PLA2G4A: variants seen among roughly 807,000 people sequenced by gnomAD.
The protein encoded by PLA2G4A is phospholipase A2 group IVA.
PLA2G4A carries 40 observed loss-of-function variants against 81.9 expected under a neutral mutation model. The ratio of observed to expected loss-of-function variants is 0.49; its 90% CI spans 0.38 to 0.64. PLA2G4A has a LOEUF of 0.64. PLA2G4A is among the 30% of genes least tolerant of loss of function. The pLI is 0.00. For synonymous variants in PLA2G4A, 302 were observed against 296.9 expected (o/e 1.02, Z -0.18); for missense variants, 715 against 905.1 (o/e 0.79, Z 2.69).
intron 5 of PLA2G4A, among the ~76,000 whole-genome samples, 180 bp from the exon 6 acceptor site, chr1:186,906,785 T>A (rs1369285922): frequency 6.6e-6 from 1 of 152,208 alleles, no homozygotes; most frequent in Non-Finnish European, 1.5e-5. Context: ...ACCAAAAAGT[T>A]GGTTTACTGA....
At chr1:186,891,969 C>G (rs1253640986) in intron 3 of PLA2G4A, among the ~76,000 whole-genome samples, 1 of 152,058 alleles carries the variant, frequency 6.6e-6, no homozygotes, top group Non-Finnish European at 1.5e-5. Context: ...TTGTTATTGC[C>G]TGGATATAAG....
intron 17 of PLA2G4A, among the ~76,000 whole-genome samples, chr1:186,984,645 T>A (rs1342781044): frequency 6.6e-6 from 1 of 152,214 alleles, no homozygotes; most frequent in East Asian, 1.9e-4. Flanking sequence ...AAGTTCTATC[T>A]TTTAAAAATA....
At chr1:186,903,832 T>C (rs935142400) in intron 5 of PLA2G4A, among the ~76,000 whole-genome samples, 3 of 152,306 alleles carry the variant, frequency 2.0e-5, no homozygotes, top group Admixed American at 2.0e-4. Context: ...ACAATAAATG[T>C]AATGCACTTG....
intron 2 of PLA2G4A, among the ~76,000 whole-genome samples, chr1:186,857,055 T>TTGCTGGATGATCTGGGAACTG (rs1367654873): frequency 2.0e-5 from 1 of 49,616 alleles, no homozygotes; most frequent in Non-Finnish European, 3.2e-5. Flanking sequence ...CACATGTGTC[T>TTGCTGGATGATCTGGGAACTG]GCCATGCAGC....
chr1:186,975,672 G>A (rs1657506439), intron 15 of PLA2G4A, among the ~76,000 whole-genome samples: 1 of 152,216 alleles, frequency 6.6e-6, no homozygotes, highest in African/African-American at 2.4e-5. Flanking sequence ...GTCAGGGATA[G>A]TGAATAATCT....
At chr1:186,935,633 T>C (rs1274319897) in intron 8 of PLA2G4A, among the ~76,000 whole-genome samples, 1 of 151,974 alleles carries the variant, frequency 6.6e-6, no homozygotes, top group African/African-American at 2.4e-5. Flanking sequence ...AGATGCTCCC[T>C]TACCAGAAGA....
intron 1 of PLA2G4A, among the ~76,000 whole-genome samples, chr1:186,851,599 ATGT>A (rs1222970118): frequency 6.6e-6 from 1 of 152,020 alleles, no homozygotes; most frequent in African/African-American, 2.4e-5. Flanking sequence ...CACTTTAAAA[ATGT>A]TGTAATAGAA....
intron 2 of PLA2G4A, among the ~76,000 whole-genome samples, chr1:186,863,971 G>A (rs570730143): frequency 2.0e-5 from 3 of 151,790 alleles, no homozygotes; most frequent in South Asian, 2.1e-4. Flanking sequence ...CATATTGGCC[G>A]GGCTGGTCTT....
At chr1:186,961,361 GATAA>G (rs1389032012) in intron 14 of PLA2G4A, among the ~76,000 whole-genome samples, 6 of 152,106 alleles carry the variant, frequency 3.9e-5, no homozygotes, top group Non-Finnish European at 5.9e-5. Flanking sequence ...ACAAAGAAGT[GATAA>G]ATATTTGATG....
intron 2 of PLA2G4A, among the ~76,000 whole-genome samples, chr1:186,863,542 A>G (rs1345284758): frequency 1.3e-5 from 2 of 152,174 alleles, no homozygotes; most frequent in African/African-American, 2.4e-5. Flanking sequence ...GCATGTTACT[A>G]TTAACCATAG....
At chr1:186,836,601 C>G (rs1005155499) in intron 1 of PLA2G4A, among the ~76,000 whole-genome samples, 1 of 152,116 alleles carries the variant, frequency 6.6e-6, no homozygotes, top group African/African-American at 2.4e-5. Flanking sequence ...ATCTACTCTT[C>G]TTTTTCACTT....
At position 186,911,374 on chromosome 1, in the gene PLA2G4A, G is replaced by A. The variant is rs949881459; in HGVS notation, c.543G>A (p.Leu181=). 1.2e-5 allele frequency: 20 copies of A among 1,609,912 alleles called. No homozygotes were observed. Among genetic ancestry groups the A allele is most frequent in the Non-Finnish European group, 1.5e-5 (18 of 1,176,258 alleles). ...TGGGTCCAAAGAATAGTGAAGGATT[G>A]CATTCTGCACGTGATGTGAGTTGGA... ...KLLGPKNSEG[L]HSARDVPVVA... is the part of the protein sequence containing the mutation. The change falls in exon 7 of 18, where the codon TTG becomes TTA. Residue 181 remains leucine, a synonymous_variant. Coordinates refer to ENST00000367466, the MANE Select transcript of PLA2G4A (RefSeq NM_024420.3).
chr1:186,845,573 T>C (rs961893373), intron 1 of PLA2G4A, among the ~76,000 whole-genome samples: 1 of 152,170 alleles, frequency 6.6e-6, no homozygotes, highest in Non-Finnish European at 1.5e-5. Context: ...TCCACGCGTC[T>C]ATACAATGAG....
At chr1:186,833,312 T>C (rs1011676967) in intron 1 of PLA2G4A, among the ~76,000 whole-genome samples, 1 of 152,082 alleles carries the variant, frequency 6.6e-6, no homozygotes, top group African/African-American at 2.4e-5. Flanking sequence ...GGGGGATCAT[T>C]TGAACACAGG....
intron 13 of PLA2G4A, among the ~76,000 whole-genome samples, chr1:186,954,678 T>C (rs1656684936): frequency 6.6e-6 from 1 of 152,030 alleles, no homozygotes; most frequent in Non-Finnish European, 1.5e-5. Context: ...TTTTTCTCTT[T>C]ATTTCAACAC....
intron 7 of PLA2G4A, among the ~76,000 whole-genome samples, chr1:186,919,852 GGT>G (rs1655282385): frequency 6.6e-6 from 1 of 152,190 alleles, no homozygotes; most frequent in African/African-American, 2.4e-5. Context: ...TGTACTGGCT[GGT>G]AGTCCTTGGT....
At chr1:186,934,441 C>CATATATATATATATATATAT (rs1209342571) in intron 8 of PLA2G4A, among the ~76,000 whole-genome samples, 11 of 4,010 alleles carry the variant, frequency 2.7e-3, no homozygotes, top group Admixed American at 0.025. Context: ...TTTAAATGTG[C>CATATATATATATATATATAT]ACATATATAT....
chr1:186,961,298 A>G (rs1273880403), intron 14 of PLA2G4A, among the ~76,000 whole-genome samples: 1 of 152,148 alleles, frequency 6.6e-6, no homozygotes, highest in Non-Finnish European at 1.5e-5. Flanking sequence ...CCTGCAGTTA[A>G]TAATAATGTA....
At chr1:186,944,131 G>T (rs2207209) in intron 10 of PLA2G4A, among the ~76,000 whole-genome samples, 2 of 151,896 alleles carry the variant, frequency 1.3e-5, no homozygotes, top group African/African-American at 4.8e-5. Context: ...AAGCTGGCCC[G>T]GGAAGAAGGG....
Sources: gnomAD v4.1 joint callset for allele counts (sites outside exome capture counted in the v4.1 genomes callset) on GRCh38, gnomAD v4.1.1 for gene constraint, MANE v1.5 for transcripts, NCBI Gene and HGNC (gene_info 2026-07-23, HGNC 2026-07-21) for gene names.